The following DNMBP variants were observed in gnomAD, a reference collection of about 807,000 sequenced individuals.
DNMBP encodes dynamin binding protein.
Under a neutral mutation model 150.0 loss-of-function variants are expected in DNMBP, and 87 were observed. That is an observed-to-expected ratio of 0.58 (90% CI 0.49 to 0.69). DNMBP has a LOEUF of 0.69. DNMBP is among the 30% of genes least tolerant of loss of function. DNMBP has a pLI of 0.00. For missense variants in DNMBP, 1,774 were observed against 1,949.0 expected (o/e 0.91, Z 1.69); for synonymous variants, 711 against 750.4 (o/e 0.95, Z 0.86).
At chr10:99,952,559 C>A (rs531221456) in intron 4 of DNMBP, among the ~76,000 whole-genome samples, 1 of 152,304 alleles carries the variant, frequency 6.6e-6, no homozygotes, top group Non-Finnish European at 1.5e-5. Context: ...AGCAACCCAG[C>A]GGCCTGGCTC....
chr10:99,879,300 C>G, intron 16 of DNMBP, among the ~76,000 whole-genome samples: 1 of 151,772 alleles, frequency 6.6e-6, no homozygotes, highest in East Asian at 1.9e-4. Flanking sequence ...ACTGTCTCTA[C>G]TGAAAATACA....
chr10:99,901,604 G>A (rs1429471478), intron 6 of DNMBP, among the ~76,000 whole-genome samples: 6 of 152,122 alleles, frequency 3.9e-5, no homozygotes, highest in Non-Finnish European at 8.8e-5. Flanking sequence ...TGCCTTCAGA[G>A]CTGTGGCCTG....
chr10:99,989,949 T>C (rs889979602), intron 1 of DNMBP, among the ~76,000 whole-genome samples: 2 of 152,198 alleles, frequency 1.3e-5, no homozygotes, highest in African/African-American at 4.8e-5. Context: ...CCCTGTTTCC[T>C]GTATGTCCTA....
At chr10:99,948,723 G>A (rs934015954) in intron 4 of DNMBP, among the ~76,000 whole-genome samples, 1 of 152,108 alleles carries the variant, frequency 6.6e-6, no homozygotes, top group Non-Finnish European at 1.5e-5. Flanking sequence ...AGCACTTTGG[G>A]AGGCCAAGGC....
chr10:99,889,024 C>T (rs940588414), intron 11 of DNMBP, 71 bp from the exon 12 acceptor site: 13 of 1,559,326 alleles, frequency 8.3e-6, no homozygotes, highest in Admixed American at 1.9e-5. Context: ...CATTCCAAGA[C>T]TGAATAGCAG....
intron 12 of DNMBP, 91 bp downstream of exon 12, chr10:99,888,734 G>C: frequency 6.7e-7 from 1 of 1,481,586 alleles, no homozygotes; most frequent in Non-Finnish European, 9.3e-7. Flanking sequence ...CTGGTGCCCA[G>C]GGCCTGTGTC....
Position 99,901,706 on chromosome 10 carries a change from T to C in DNMBP, c.2555-1640A>G, listed in dbSNP as rs111691437. On this transcript the variant is annotated intron_variant, in intron 6 of 16. Transcript: ENST00000324109. ...TTTGGTGCTCCCTTCTTCAGCTCCA[T>C]GTTCCACAAAAAAGAGCTCTCATCC... Among the ~76,000 whole-genome samples the C allele has an allele frequency of 3.2e-3, 485 of 152,144 alleles. 5 individuals are homozygous for C. Among genetic ancestry groups the C allele is most frequent in the Middle Eastern group, 0.02 (6 of 294 alleles).
intron 3 of DNMBP, among the ~76,000 whole-genome samples, chr10:99,962,337 T>TA (rs945925746): frequency 5.3e-5 from 8 of 152,166 alleles, no homozygotes; most frequent in Non-Finnish European, 1.2e-4. Context: ...GTTGGGGTCC[T>TA]AAAAAATCAC....
intron 1 of DNMBP, among the ~76,000 whole-genome samples, chr10:99,997,843 G>A (rs533668138): frequency 6.0e-4 from 84 of 141,020 alleles, no homozygotes; most frequent in Admixed American, 1.8e-3. Context: ...CACAAGAATC[G>A]CTTGAATCCA....
rs1327159988 is a variant in DNMBP at position 99,888,897 on chromosome 10, C to T, written c.3213G>A (p.Glu1071=). ...ACTGCTCCAGGTCCCGGTGTCCTCT[C>T]TCCATGCACACATCCCACATGCTCA... ...AAVSMWDVCM[E]RGHRDLEQFE... is the part of the protein sequence containing the mutation. Residue 1071 remains glutamate (E), a synonymous_variant, in exon 12 of 17, where the codon GAG becomes GAA. Coordinates refer to ENST00000324109, the MANE Select transcript of DNMBP (RefSeq NM_015221.4). 1 of 1,614,220 alleles carries T rather than the reference C, an allele frequency of 6.2e-7. No individual in the cohort carries two copies. The highest frequency in any genetic ancestry group is 8.5e-7 in the Non-Finnish European group (1 of 1,180,040).
At chr10:99,902,414 A>T (rs2039757024) in intron 6 of DNMBP, among the ~76,000 whole-genome samples, 1 of 137,182 alleles carries the variant, frequency 7.3e-6, no homozygotes, top group African/African-American at 2.7e-5. Context: ...AGTTCAAGTG[A>T]TTCTCCTGCC....
Position 99,998,182 on chromosome 10 carries a change from C to CCA in DNMBP, c.-11+11655_-11+11656insTG, listed in dbSNP as rs1239025982. On this transcript the variant is annotated intron_variant, in intron 1 of 16. Coordinates refer to ENST00000324109, the MANE Select transcript of DNMBP (RefSeq NM_015221.4). ...CCCGGGAGGTGGAGGTTGCAATGAG[C>CCA]AGTGATCGCGCCACTGTACTCCAGC... Among the ~76,000 whole-genome samples the CCA allele has an allele frequency of 4.2e-4, 62 of 148,620 alleles. 2 individuals are homozygous for CCA. Among genetic ancestry groups the CCA allele is most frequent in the African/African-American group, 1.6e-3 (62 of 39,956 alleles).
intron 8 of DNMBP, 108 bp downstream of exon 8, chr10:99,898,635 C>T: frequency 8.3e-7 from 1 of 1,200,934 alleles, no homozygotes; most frequent in Non-Finnish European, 1.2e-6. Context: ...CAAGGTGAGT[C>T]TACTTCTAGG....
At chr10:99,886,274 T>C (rs780495496) in intron 13 of DNMBP, 26 bp downstream of exon 13, 10 of 1,576,448 alleles carry the variant, frequency 6.3e-6, no homozygotes, top group Admixed American at 1.7e-5. Context: ...TAGATGACCA[T>C]CCCACTGAAC....
chr10:99,958,437 C>T (rs1461048643), intron 3 of DNMBP: 1 of 152,202 alleles, frequency 6.6e-6, no homozygotes, highest in Admixed American at 6.5e-5. Context: ...TTTCACATAA[C>T]ACCATTTTAT....
intron 4 of DNMBP, among the ~76,000 whole-genome samples, chr10:99,940,854 C>T (rs898107032): frequency 3.3e-5 from 5 of 152,156 alleles, no homozygotes; most frequent in Admixed American, 2.0e-4. Flanking sequence ...CTTCACCTTA[C>T]TTGGCCTCTC....
Position 99,877,092 on chromosome 10 carries a change from C to CTTA in DNMBP, c.*58_*59insTAA. On this transcript the variant is annotated 3_prime_UTR_variant, in exon 17 of 17. Coordinates refer to ENST00000324109, the MANE Select transcript of DNMBP (RefSeq NM_015221.4). ...AGCAGGCGCCCTCTCGGTGGGCCGC[C>CTTA]AGAACCCTCGGCGGACTGAAAGCAA... 3 of 1,383,382 alleles carry CTTA rather than the reference C, an allele frequency of 2.2e-6. No individual in the cohort carries two copies. The highest frequency in any genetic ancestry group is 2.7e-5 in the East Asian group (1 of 36,966). 85.7% of individuals were successfully genotyped at this position (1,383,382 alleles called of 1,614,324 possible).
chr10:99,889,075 AG>A (rs1291684722), intron 11 of DNMBP, 122 bp from the exon 12 acceptor site: 4 of 1,157,358 alleles, frequency 3.5e-6, no homozygotes, highest in African/African-American at 1.5e-5. Context: ...TTTTCTAACT[AG>A]TCTGGTATTT....
intron 1 of DNMBP, among the ~76,000 whole-genome samples, chr10:99,989,644 G>T (rs1029869452): frequency 6.6e-5 from 10 of 152,140 alleles, no homozygotes; most frequent in African/African-American, 2.4e-4. Flanking sequence ...CTGGGAGGCG[G>T]AGGTTGCAGT....
Sources: allele counts gnomAD v4.1 joint callset (sites outside exome capture counted in the v4.1 genomes callset), GRCh38; gene constraint gnomAD v4.1.1; transcripts MANE v1.5; gene names NCBI Gene and HGNC (gene_info 2026-07-23, HGNC 2026-07-21).